Variants in RFX3 observed in about 807,000 individuals in gnomAD.
The protein encoded by RFX3 is regulatory factor X3.
A neutral mutation model predicts 98.6 loss-of-function variants in RFX3; 14 were observed. That is an observed-to-expected ratio of 0.14 (90% CI 0.09 to 0.22). The LOEUF is 0.22. RFX3 is among the 10% of genes least tolerant of loss of function. The pLI is 1.00. For missense variants in RFX3, 639 were observed against 926.9 expected (o/e 0.69, Z 4.03); for synonymous variants, 383 against 328.4 (o/e 1.17, Z -1.80).
intron 3 of RFX3, among the ~76,000 whole-genome samples, chr9:3,335,306 A>C (rs1833040375): frequency 6.6e-6 from 1 of 152,060 alleles, no homozygotes; most frequent in Admixed American, 6.6e-5. Flanking sequence ...AAATACTTAA[A>C]AATTTATTTT....
intron 1 of RFX3, among the ~76,000 whole-genome samples, chr9:3,431,852 G>A (rs890447819): frequency 6.6e-6 from 1 of 152,100 alleles, no homozygotes; most frequent in African/African-American, 2.4e-5. Context: ...CTTATGAACA[G>A]GTTTCTAATG....
intron 16 of RFX3, 63 bp from the exon 17 acceptor site, chr9:3,225,343 G>A (rs1470242632): frequency 3.1e-6 from 5 of 1,588,154 alleles, no homozygotes. Context: ...CAATCAACAG[G>A]TGCTTTAGAA....
chr9:3,415,829 G>T (rs1032178053), intron 1 of RFX3, among the ~76,000 whole-genome samples: 1 of 152,060 alleles, frequency 6.6e-6, no homozygotes, highest in Non-Finnish European at 1.5e-5. Context: ...CACCACATCA[G>T]TGCTGACCCC....
chr9:3,247,779 G>C (rs778085970), intron 15 of RFX3: 5 of 1,590,920 alleles, frequency 3.1e-6, no homozygotes, highest in Admixed American at 1.8e-5. Context: ...CTTTTACATA[G>C]GTACCTGTAT....
intron 1 of RFX3, among the ~76,000 whole-genome samples, chr9:3,498,170 A>G (rs1337664581): frequency 6.6e-6 from 1 of 152,022 alleles, no homozygotes; most frequent in Admixed American, 6.6e-5. Flanking sequence ...TAAAGGACAC[A>G]AAGGAGAAAT....
At chr9:3,339,443 G>A (rs1281274092) in intron 3 of RFX3, among the ~76,000 whole-genome samples, 2 of 152,046 alleles carry the variant, frequency 1.3e-5, no homozygotes, top group Admixed American at 1.3e-4. Context: ...TTTCACCAGA[G>A]GAAAAAACAC....
intron 13 of RFX3, among the ~76,000 whole-genome samples, chr9:3,261,311 C>A (rs1411139721): frequency 6.6e-6 from 1 of 152,026 alleles, no homozygotes; most frequent in Admixed American, 6.6e-5. Flanking sequence ...TCTTCTCAAT[C>A]CCCCAGGCCT....
intron 1 of RFX3, among the ~76,000 whole-genome samples, chr9:3,438,478 A>T (rs960770684): frequency 2.6e-5 from 4 of 152,016 alleles, no homozygotes; most frequent in Non-Finnish European, 5.9e-5. Flanking sequence ...AAAAGAAAGA[A>T]CAGATGGGAC....
At chr9:3,414,827 T>TGTATATATGAGTATATATAA (rs1842800667) in intron 1 of RFX3, among the ~76,000 whole-genome samples, 1 of 139,426 alleles carries the variant, frequency 7.2e-6, no homozygotes, top group Non-Finnish European at 1.5e-5. Flanking sequence ...TGAGTATATA[T>TGTATATATGAGTATATATAA]GTATATATGA....
rs1478245317 is a variant in RFX3 at position 3,333,219 on chromosome 9, T to C, written c.216-2702A>G. 3.3e-5 allele frequency among the ~76,000 whole-genome samples: 5 copies of C among 152,220 alleles called. No individual in the cohort carries two copies. The South Asian group carries it at 8.3e-4, about 25-fold the overall frequency. On this transcript the variant is annotated intron_variant, in intron 3 of 16. Transcript: ENST00000617270. ...TATTTTGTTAAAACATGAGAAATTA[T>C]GCTAAACTACTCCAAGATTTTTGAT...
chr9:3,314,401 C>T (rs1297904821), intron 4 of RFX3, among the ~76,000 whole-genome samples: 1 of 152,176 alleles, frequency 6.6e-6, no homozygotes, highest in East Asian at 1.9e-4. Flanking sequence ...ATAACTGGTA[C>T]CAGCCACTGC....
chr9:3,443,665 T>G (rs1845796371), intron 1 of RFX3, among the ~76,000 whole-genome samples: 2 of 152,250 alleles, frequency 1.3e-5, no homozygotes, highest in Non-Finnish European at 2.9e-5. Flanking sequence ...GCAATAAATA[T>G]ACACATGCGT....
chr9:3,511,245 A>G (rs942473168), intron 1 of RFX3, among the ~76,000 whole-genome samples: 1 of 151,970 alleles, frequency 6.6e-6, no homozygotes, highest in Non-Finnish European at 1.5e-5. Context: ...ATTTAGGTAT[A>G]AATTTTGTGT....
intron 15 of RFX3, among the ~76,000 whole-genome samples, chr9:3,236,096 CCTCA>C (rs1819120974): frequency 6.6e-6 from 1 of 152,022 alleles, no homozygotes. Context: ...TGTTTATGTT[CCTCA>C]CTAAGGATAG....
At chr9:3,411,070 C>T (rs1299301854) in intron 1 of RFX3, among the ~76,000 whole-genome samples, 1 of 152,112 alleles carries the variant, frequency 6.6e-6, no homozygotes, top group Non-Finnish European at 1.5e-5. Context: ...ATATTATATT[C>T]AAAATTACAC....
intron 10 of RFX3, 162 bp from the exon 11 acceptor site, chr9:3,270,687 CAGAT>C: frequency 2.8e-6 from 2 of 710,720 alleles, no homozygotes; most frequent in Non-Finnish European, 4.6e-6. Flanking sequence ...GAGAGACAGA[CAGAT>C]ATATAAAACA....
intron 14 of RFX3, among the ~76,000 whole-genome samples, chr9:3,252,826 A>G (rs1039245020): frequency 2.6e-5 from 4 of 152,216 alleles, no homozygotes; most frequent in African/African-American, 9.7e-5. Context: ...ATCCTCAATT[A>G]TAATACCTAG....
chr9:3,344,239 G>A (rs1403211344), intron 3 of RFX3, among the ~76,000 whole-genome samples: 1 of 152,140 alleles, frequency 6.6e-6, no homozygotes, highest in African/African-American at 2.4e-5. Context: ...GATACATAAA[G>A]CACTTTTGAT....
rs1222113397 is a variant in RFX3, at chr9:3,475,537, G to A, written c.-9+50210C>T. ...GACAGAGAGAGAGGGAGAGAGAGAG[G>A]ACAGCTTATGCTACTATTTCTGCAT... On this transcript the variant is annotated intron_variant, in intron 1 of 16. Coordinates refer to ENST00000617270, the MANE Select transcript of RFX3 (RefSeq NM_001282116.2). Among the ~76,000 whole-genome samples the A allele has an allele frequency of 3.9e-5, 6 of 152,144 alleles. 1 individual carries two copies. Among genetic ancestry groups the A allele is most frequent in the African/African-American group, 1.4e-4 (6 of 41,510 alleles).
Sources: allele counts gnomAD v4.1 joint callset (sites outside exome capture counted in the v4.1 genomes callset), GRCh38; gene constraint gnomAD v4.1.1; transcripts MANE v1.5; gene names NCBI Gene and HGNC (gene_info 2026-07-23, HGNC 2026-07-21).